Variants in WEE2 observed in about 807,000 individuals in gnomAD.
WEE2 encodes the protein wee1-like protein kinase 2.
A neutral mutation model predicts 60.1 loss-of-function variants in WEE2; 50 were observed. The observed-to-expected ratio is 0.83, with a 90% CI of 0.66 to 1.05. The LOEUF is 1.05. Among genes scored for constraint, WEE2 ranks in the 50% least tolerant of loss-of-function variants. The pLI, the probability that WEE2 is intolerant of heterozygous loss-of-function variation, is 0.00. For missense variants in WEE2, 631 were observed against 684.3 expected, an observed-to-expected ratio of 0.92 and a Z score of 0.87; for synonymous variants, 240 against 241.0, an observed-to-expected ratio of 1.00 and a Z score of 0.04.
At chr7:141,725,324 T>A in intron 9 of WEE2, 128 bp downstream of exon 9, 2 of 1,135,690 alleles carry the variant, frequency 1.8e-6, no homozygotes, top group Non-Finnish European at 2.4e-6. Flanking sequence ...TGACTAGAAG[T>A]CCAGAAAAAA....
intron 10 of WEE2, chr7:141,727,701 G>A (rs189500407): frequency 2.3e-6 from 1 of 426,482 alleles, no homozygotes; most frequent in Admixed American, 4.0e-5. Context: ...GGAATATAAG[G>A]AAATACCAGT....
intron 8 of WEE2, 135 bp from the exon 9 acceptor site, chr7:141,724,891 A>G (rs1798982875): frequency 1.0e-6 from 1 of 987,538 alleles, no homozygotes; most frequent in African/African-American, 1.6e-5. Context: ...CACTAACTAC[A>G]GCGAATGTAT....
In WEE2 at chr7:141,725,148, T is replaced by G. The variant is rs368696038; in HGVS notation, c.1344T>G (p.Phe448Leu). 26 of 1,614,074 alleles carry G rather than the reference T, an allele frequency of 1.6e-5. No individual in the cohort carries two copies. The highest frequency in any genetic ancestry group is 2.0e-5 in the Non-Finnish European group (24 of 1,180,034). ...AAWHHIRKGN[F>L]PDVPQELSES... ...GGCACCATATCCGCAAGGGTAACTT[T>G]CCGGACGTTCCTCAGGAGCTCTCAG... is the stretch of plus-strand genomic sequence containing the variant. The change falls in exon 9 of 12, where the codon TTT (phenylalanine) becomes TTG (leucine). Residue 448 changes from phenylalanine to leucine, a missense_variant. Transcript: ENST00000397541.
intron 6 of WEE2, 32 bp downstream of exon 6, chr7:141,723,312 G>T (rs377710278): frequency 1.2e-4 from 190 of 1,604,904 alleles, no homozygotes; most frequent in Non-Finnish European, 1.4e-4. Context: ...CACTTCTACC[G>T]TATTTTGTTC....
intron 4 of WEE2, among the ~76,000 whole-genome samples, chr7:141,719,597 C>T (rs756266716): frequency 3.3e-5 from 5 of 151,958 alleles, no homozygotes; most frequent in African/African-American, 7.3e-5. Context: ...ACTACAGGCG[C>T]GCACCACTAC....
chr7:141,716,427 C>G (rs369345367), intron 3 of WEE2, among the ~76,000 whole-genome samples, 160 bp downstream of exon 3: 53 of 148,698 alleles, frequency 3.6e-4, no homozygotes, highest in Middle Eastern at 6.8e-3. Context: ...TCACCCTGCA[C>G]CCTCCCTCCC....
chr7:141,710,330 A>G (rs1036522408), intron 1 of WEE2, among the ~76,000 whole-genome samples: 2 of 152,218 alleles, frequency 1.3e-5, no homozygotes, highest in African/African-American at 4.8e-5. Flanking sequence ...AAGGGCAATG[A>G]AAGTTGGTCC....
In WEE2 at chr7:141,729,258, G is replaced by A. The variant is rs532732101; in HGVS notation, c.1536-273G>A. 4.9e-4 allele frequency among the ~76,000 whole-genome samples: 74 copies of A among 152,260 alleles called. No homozygotes were observed. The South Asian group carries it at 0.013, about 26-fold the overall frequency. On this transcript the variant is annotated intron_variant, in intron 10 of 11. Transcript: ENST00000397541. ...TGGTACCTTTCATATGTAGCCTGAA[G>A]AGCTGTTCACTTAATTTAAAGCATT...
Position 141,708,685 on chromosome 7 carries a change from C to T in WEE2, c.-74C>T, listed in dbSNP as rs1798659319. 3 of 1,326,806 alleles carry T rather than the reference C, an allele frequency of 2.3e-6. No individual in the cohort carries two copies. The highest frequency in any genetic ancestry group is 2.1e-6 in the Non-Finnish European group (2 of 958,370). The allele number at this position is 1,326,806 out of a possible 1,614,324, so 82.2% of individuals were successfully genotyped here. A position where few individuals can be genotyped will look rare whatever the true frequency, so the allele number is the denominator to read the frequency against. Reference sequence around the variant, plus strand: ...CCTGCAGGTTAAGTTATTTTCTCCTCCCTGCTTCTGTAGGTTCACAGCGTT... The same window carrying T: ...CCTGCAGGTTAAGTTATTTTCTCCTTCCTGCTTCTGTAGGTTCACAGCGTT... On this transcript the variant is annotated 5_prime_UTR_variant, in exon 1 of 12. Coordinates refer to ENST00000397541, the MANE Select transcript of WEE2 (RefSeq NM_001105558.1).
rs564127822 is a variant in WEE2 at position 141,708,431 on chromosome 7, T to A, written c.-328T>A. ...GCCATGCTAAATTAAAGGAATTCAA[T>A]TTTCTCACTAGTATTTGGTAACACA... On this transcript the variant is annotated 5_prime_UTR_variant, in exon 1 of 12. Coordinates refer to ENST00000397541, the MANE Select transcript of WEE2 (RefSeq NM_001105558.1). 3.2e-4 allele frequency: 88 copies of A among 277,022 alleles called. No homozygotes were observed. The highest frequency in any genetic ancestry group is 1.7e-3 in the African/African-American group (78 of 46,302). The allele number at this position is 277,022 out of a possible 1,614,324, so 17.2% of individuals were successfully genotyped here. A position where few individuals can be genotyped will look rare whatever the true frequency, so the allele number is the denominator to read the frequency against.
intron 6 of WEE2, 108 bp downstream of exon 6, chr7:141,723,388 C>A: frequency 8.3e-7 from 1 of 1,199,422 alleles, no homozygotes; most frequent in South Asian, 1.6e-5. Flanking sequence ...TGTTTGCTGG[C>A]AGAACCCCTT....
chr7:141,721,142 T>A, intron 5 of WEE2, 86 bp downstream of exon 5: 1 of 1,523,996 alleles, frequency 6.6e-7, no homozygotes, highest in Non-Finnish European at 9.0e-7. Flanking sequence ...TCCTCATAGT[T>A]CATTCCACGG....
At chr7:141,724,551 T>A (rs560680620) in intron 8 of WEE2, among the ~76,000 whole-genome samples, 1 of 152,206 alleles carries the variant, frequency 6.6e-6, no homozygotes, top group Non-Finnish European at 1.5e-5. Flanking sequence ...GATTGCCTAC[T>A]AAGAAGGAAG....
At chr7:141,714,499 T>G (rs2117105810) in intron 2 of WEE2, 94 bp downstream of exon 2, 1 of 964,114 alleles carries the variant, frequency 1.0e-6, no homozygotes, top group East Asian at 2.5e-5. Context: ...GAACGAGAAC[T>G]CTATTTGAAT....
At position 141,728,160 on chromosome 7, in the gene WEE2, C is replaced by T. The variant is rs148949113; in HGVS notation, c.1535+714C>T. On this transcript the variant is annotated intron_variant, in intron 10 of 11. Transcript: ENST00000397541. ...CGCGCTTTCCCCTGAAAAACGGAAA[C>T]AAAAAAATAGGAATTTGATGGGGTG... is the stretch of plus-strand genomic sequence containing the variant. 2.0e-5 allele frequency: 3 copies of T among 152,010 alleles called. No individual in the cohort carries two copies. The East Asian group carries it at 5.8e-4, about 29-fold the overall frequency. The allele number at this position is 152,010 out of a possible 1,614,324, so 9.4% of individuals were successfully genotyped here.
chr7:141,716,350 T>C, intron 3 of WEE2, 83 bp downstream of exon 3: 12 of 1,273,046 alleles, frequency 9.4e-6, no homozygotes, highest in Non-Finnish European at 1.3e-5. Context: ...CTTCTCCCTC[T>C]CTCTCCTCCC....
chr7:141,714,154 T>C, intron 1 of WEE2, 55 bp from the exon 2 acceptor site: 2 of 1,410,770 alleles, frequency 1.4e-6, no homozygotes, highest in Non-Finnish European at 9.6e-7. Context: ...AGCTAACTGA[T>C]AAGGAATGTC....
At chr7:141,725,965 GTAAGAAGGTA>G (rs2117123214) in intron 9 of WEE2, among the ~76,000 whole-genome samples, 2 of 152,290 alleles carry the variant, frequency 1.3e-5, no homozygotes, top group East Asian at 3.9e-4. Context: ...TCTATTATAT[GTAAGAAGGTA>G]TAAGACTACT....
In WEE2 at chr7:141,708,717, T is replaced by C; in HGVS notation, c.-42T>C. ...TCTGTAGGTTCACAGCGTTCCCTTCTGATAGAGCTTTTTGTCTGTGTTGTA... is the reference window on the plus strand; with the variant it reads ...TCTGTAGGTTCACAGCGTTCCCTTCCGATAGAGCTTTTTGTCTGTGTTGTA... On this transcript the variant is annotated 5_prime_UTR_variant, in exon 1 of 12. Transcript: ENST00000397541. 6.5e-7 allele frequency: 1 copy of C among 1,548,472 alleles called. No individual in the cohort carries two copies. The highest frequency in any genetic ancestry group is 8.8e-7 in the Non-Finnish European group (1 of 1,134,156).
Sources: allele counts gnomAD v4.1 joint callset (sites outside exome capture counted in the v4.1 genomes callset), GRCh38; gene constraint gnomAD v4.1.1; transcripts MANE v1.5; gene names NCBI Gene and HGNC (gene_info 2026-07-23, HGNC 2026-07-21).